Variants in SRBD1 observed in about 807,000 individuals in gnomAD.
SRBD1 encodes the protein S1 RNA binding domain 1, also known as S1 RNA-binding domain-containing protein 1.
In SRBD1, 88 loss-of-function variants were observed where a neutral mutation model predicts 115.3. That is an observed-to-expected ratio of 0.76 (90% CI 0.64 to 0.91). SRBD1 has a LOEUF of 0.91. SRBD1 is among the 40% of genes least tolerant of loss of function. The pLI, the probability that SRBD1 is intolerant of heterozygous loss-of-function variation, is 0.00. For synonymous variants in SRBD1, 509 were observed against 407.7 expected, an observed-to-expected ratio of 1.25 and a Z score of -2.99; for missense variants, 1,385 against 1,177.4, an observed-to-expected ratio of 1.18 and a Z score of -2.58.
chr2:45,563,558 C>T (rs1184650416), intron 9 of SRBD1, among the ~76,000 whole-genome samples: 1 of 151,824 alleles, frequency 6.6e-6, no homozygotes, highest in Non-Finnish European at 1.5e-5. Context: ...AGACCTTTCG[C>T]TAGACTAATC....
At chr2:45,512,660 A>C (rs1292522482) in intron 14 of SRBD1, among the ~76,000 whole-genome samples, 1 of 152,182 alleles carries the variant, frequency 6.6e-6, no homozygotes, top group Non-Finnish European at 1.5e-5. Context: ...AATTTTTATA[A>C]GTCAAAATCC....
intron 4 of SRBD1, among the ~76,000 whole-genome samples, chr2:45,594,868 A>C (rs1673844608): frequency 6.6e-6 from 1 of 152,238 alleles, no homozygotes; most frequent in South Asian, 2.1e-4. Flanking sequence ...TCAATCTTCA[A>C]TAGGCATGAT....
intron 2 of SRBD1, among the ~76,000 whole-genome samples, chr2:45,604,374 G>T (rs532933229): frequency 3.2e-4 from 49 of 151,290 alleles, no homozygotes; most frequent in African/African-American, 1.2e-3. Context: ...AACAGGGAGG[G>T]GAGAGGGGAA....
At chr2:45,514,687 G>A (rs1459624490) in intron 14 of SRBD1, among the ~76,000 whole-genome samples, 1 of 152,116 alleles carries the variant, frequency 6.6e-6, no homozygotes, top group Admixed American at 6.6e-5. Flanking sequence ...GAAACTGTCT[G>A]AGTTCTTCTG....
chr2:45,423,156 T>C (rs921432221), intron 16 of SRBD1, among the ~76,000 whole-genome samples: 12 of 152,312 alleles, frequency 7.9e-5, no homozygotes, highest in Admixed American at 2.6e-4. Flanking sequence ...GATATTCTTG[T>C]AGATGACAGT....
At chr2:45,466,158 T>C (rs1669480309) in intron 16 of SRBD1, among the ~76,000 whole-genome samples, 1 of 152,142 alleles carries the variant, frequency 6.6e-6, no homozygotes, top group Admixed American at 6.6e-5. Flanking sequence ...AGCTGTTCTT[T>C]TGTGTGTGTT....
chr2:45,505,866 C>A (rs1402750737), intron 14 of SRBD1, among the ~76,000 whole-genome samples: 1 of 152,154 alleles, frequency 6.6e-6, no homozygotes, highest in African/African-American at 2.4e-5. Flanking sequence ...AGACTTCTTT[C>A]TATTTAGATA....
At chr2:45,521,171 T>C (rs1671271043) in intron 14 of SRBD1, among the ~76,000 whole-genome samples, 1 of 151,882 alleles carries the variant, frequency 6.6e-6, no homozygotes, top group Non-Finnish European at 1.5e-5. Context: ...AGTCTCCCGT[T>C]CCAAATCCAC....
chr2:45,495,490 CCT>C (rs1670427218), intron 14 of SRBD1, among the ~76,000 whole-genome samples: 1 of 152,132 alleles, frequency 6.6e-6, no homozygotes, highest in African/African-American at 2.4e-5. Flanking sequence ...CTCTCTCTTC[CCT>C]CTCTCCCCGC....
intron 14 of SRBD1, among the ~76,000 whole-genome samples, chr2:45,488,824 T>C (rs1670202497): frequency 6.6e-6 from 1 of 152,100 alleles, no homozygotes; most frequent in Admixed American, 6.5e-5. Context: ...AGCACTGTTA[T>C]TGTTATTACC....
At chr2:45,450,183 G>A (rs1668951323) in intron 16 of SRBD1, among the ~76,000 whole-genome samples, 1 of 152,118 alleles carries the variant, frequency 6.6e-6, no homozygotes, top group Non-Finnish European at 1.5e-5. Context: ...TTGGCCATTT[G>A]AAAAATTAAA....
At position 45,545,122 on chromosome 2, in the gene SRBD1, T is replaced by C. The variant is rs568097279; in HGVS notation, c.1874+1610A>G. 6.6e-4 allele frequency among the ~76,000 whole-genome samples: 99 copies of C among 151,048 alleles called. 1 individual carries two copies. The highest frequency in any genetic ancestry group is 6.3e-4 in the South Asian group (3 of 4,786). On this transcript the variant is annotated intron_variant, in intron 14 of 20. Transcript: ENST00000263736. ...GGTGAAACTCCATCTCTACTAAAAA[T>C]ACAAAAAATTAGCCGGGTGTGGTGG...
intron 10 of SRBD1, among the ~76,000 whole-genome samples, chr2:45,557,580 C>G (rs1672522531): frequency 6.6e-6 from 1 of 152,182 alleles, no homozygotes; most frequent in Admixed American, 6.5e-5. Context: ...GACCACTAGA[C>G]CCAGCCCTGA....
At chr2:45,600,425 C>T (rs1220219823) in intron 3 of SRBD1, among the ~76,000 whole-genome samples, 1 of 152,180 alleles carries the variant, frequency 6.6e-6, no homozygotes, top group African/African-American at 2.4e-5. Flanking sequence ...TAGGTCTACA[C>T]ATGCCAGAAA....
chr2:45,579,867 G>C lies in SRBD1; in HGVS notation c.1072+8C>G. The C allele has an allele frequency of 6.5e-7, 1 of 1,543,510 alleles. No individual in the cohort carries two copies. Among genetic ancestry groups the C allele is most frequent in the Non-Finnish European group, 8.7e-7 (1 of 1,152,376 alleles). On this transcript the variant is annotated splice_region_variant and intron_variant, in intron 7 of 20. Coordinates refer to ENST00000263736, the MANE Select transcript of SRBD1 (RefSeq NM_018079.5). ...AACAAAGTTGATCTCTGTAAATAAA[G>C]CCAGTACCTTTAACGTCAGGCCTAA... is the stretch of plus-strand genomic sequence containing the variant.
chr2:45,511,256 G>C (rs951539087), intron 14 of SRBD1, among the ~76,000 whole-genome samples: 31 of 152,326 alleles, frequency 2.0e-4, no homozygotes, highest in African/African-American at 7.2e-4. Flanking sequence ...CGCCAAAGCT[G>C]CGTATCTTCG....
At chr2:45,414,951 CAT>C (rs147160811) in intron 18 of SRBD1, among the ~76,000 whole-genome samples, 35 of 91,712 alleles carry the variant, frequency 3.8e-4, no homozygotes, top group East Asian at 1.3e-3. Flanking sequence ...ATAGTATGTA[CAT>C]ACACACACAT....
chr2:45,542,384 G>A (rs1274910651), intron 14 of SRBD1, among the ~76,000 whole-genome samples: 1 of 152,218 alleles, frequency 6.6e-6, no homozygotes, highest in African/African-American at 2.4e-5. Context: ...GTGCAGGGAT[G>A]CCCAGGTCCA....
At chr2:45,588,757 C>G (rs551573286) in intron 4 of SRBD1, among the ~76,000 whole-genome samples, 1 of 152,278 alleles carries the variant, frequency 6.6e-6, no homozygotes, top group Non-Finnish European at 1.5e-5. Flanking sequence ...TGAAGAAATA[C>G]AGTTTGTAGA....
Sources: gnomAD v4.1 joint callset for allele counts (sites outside exome capture counted in the v4.1 genomes callset) on GRCh38, gnomAD v4.1.1 for gene constraint, MANE v1.5 for transcripts, NCBI Gene and HGNC (gene_info 2026-07-23, HGNC 2026-07-21) for gene names.